The following TMEM41B variants were observed in gnomAD, a reference collection of about 807,000 sequenced individuals.
TMEM41B encodes the protein protein stasimon.
Under a neutral mutation model 31.9 loss-of-function variants are expected in TMEM41B, and 18 were observed. That is an observed-to-expected ratio of 0.56 (90% CI 0.39 to 0.84). The LOEUF is 0.84. Ranked by LOEUF, TMEM41B falls within the 40% of genes least tolerant of loss-of-function variation. TMEM41B has a pLI of 0.00. For synonymous variants in TMEM41B, 144 were observed against 124.3 expected, an observed-to-expected ratio of 1.16 and a Z score of -1.05; for missense variants, 322 against 348.0, an observed-to-expected ratio of 0.93 and a Z score of 0.59.
intron 1 of TMEM41B, 44 bp downstream of exon 1, chr11:9,314,277 G>A: frequency 6.5e-7 from 1 of 1,548,212 alleles, no homozygotes; most frequent in South Asian, 1.2e-5. Flanking sequence ...CCGACACACA[G>A]AAGCCTCGGG....
chr11:9,297,509 C>T (rs1372375463), intron 2 of TMEM41B, among the ~76,000 whole-genome samples: 1 of 151,996 alleles, frequency 6.6e-6, no homozygotes, highest in Non-Finnish European at 1.5e-5. Flanking sequence ...CTGGGCAGCA[C>T]AGTGAAACCC....
rs144093466 is a variant in TMEM41B at position 9,287,423 on chromosome 11, G to A, written c.567+279C>T. ...CAGATAGGTATCTAATTATGTGGATGCCTTTATATTCACACTGACTTCTCT... is the reference window on the plus strand; with the variant it reads ...CAGATAGGTATCTAATTATGTGGATACCTTTATATTCACACTGACTTCTCT... On this transcript the variant is annotated intron_variant, in intron 5 of 6. Transcript: ENST00000528080. Among the ~76,000 whole-genome samples the A allele has an allele frequency of 6.3e-3, 966 of 152,312 alleles. 7 individuals are homozygous for A. Among genetic ancestry groups the A allele is most frequent in the Admixed American group, 0.01 (158 of 15,286 alleles).
At chr11:9,300,156 T>G (rs1590382436) in intron 1 of TMEM41B, among the ~76,000 whole-genome samples, 1 of 152,130 alleles carries the variant, frequency 6.6e-6, no homozygotes, top group South Asian at 2.1e-4. Context: ...ATTTAAGCAC[T>G]GTACAGTACT....
intron 2 of TMEM41B, among the ~76,000 whole-genome samples, chr11:9,298,647 T>C (rs1353134485): frequency 6.6e-6 from 1 of 151,270 alleles, no homozygotes; most frequent in African/African-American, 2.4e-5. Flanking sequence ...ACATCTATAA[T>C]CCCAACTACT....
intron 4 of TMEM41B, chr11:9,288,095 T>TC (rs1852875641): frequency 2.5e-6 from 1 of 392,750 alleles, no homozygotes; most frequent in Non-Finnish European, 4.4e-6. Flanking sequence ...AATTTCCACC[T>TC]CCCCCCGACC....
At chr11:9,303,382 T>C (rs940399323) in intron 1 of TMEM41B, among the ~76,000 whole-genome samples, 4 of 152,000 alleles carry the variant, frequency 2.6e-5, no homozygotes, top group African/African-American at 9.7e-5. Context: ...TCAGGTGATC[T>C]GCCCACCTCG....
intron 1 of TMEM41B, among the ~76,000 whole-genome samples, chr11:9,308,970 C>T (rs1016206473): frequency 1.3e-5 from 2 of 152,018 alleles, no homozygotes; most frequent in Non-Finnish European, 2.9e-5. Context: ...TGATCCTGGC[C>T]GGGCGTGGGG....
chr11:9,305,979 C>CTTTTT (rs746744551), intron 1 of TMEM41B, among the ~76,000 whole-genome samples: 13,235 of 117,478 alleles, frequency 0.11, 1,278 homozygotes, highest in South Asian at 0.2. Flanking sequence ...CAGCACTTTT[C>CTTTTT]TTTTTTTTTT....
intron 3 of TMEM41B, among the ~76,000 whole-genome samples, chr11:9,289,379 C>G (rs919063821): frequency 6.6e-6 from 1 of 151,284 alleles, no homozygotes; most frequent in Non-Finnish European, 1.5e-5. Flanking sequence ...TTTTTCCCCT[C>G]TAATATGATT....
intron 1 of TMEM41B, among the ~76,000 whole-genome samples, chr11:9,310,451 T>TA (rs1853529738): frequency 1.3e-5 from 2 of 152,022 alleles, no homozygotes; most frequent in African/African-American, 4.8e-5. Flanking sequence ...TCCATTTTTT[T>TA]TAAAAAAATG....
rs1852768656 is a variant in TMEM41B at position 9,283,536 on chromosome 11, G to T, written c.764C>A (p.Thr255Lys). 3 of 1,613,476 alleles carry T rather than the reference G, an allele frequency of 1.9e-6. No homozygotes were observed. The highest frequency in any genetic ancestry group is 2.5e-6 in the Non-Finnish European group (3 of 1,179,768). Residue 255 changes from threonine to lysine, a missense_variant, in exon 7 of 7, where the codon ACA becomes AAA. By Grantham distance (78) the Thr-to-Lys change is moderately conservative. Transcript: ENST00000528080. ...CCAGGAAACAGCTTCTCCTGCTGTT[G>T]TAAGTTGATACAGTGTTGTTCCTGC... Reference protein sequence around the residue: ...IKAGTTLYQLTTAGEAVSWNS... With the variant: ...IKAGTTLYQLKTAGEAVSWNS...
chr11:9,299,282 CAAAAAAAAAAAAAA>C (rs1180036082), intron 2 of TMEM41B, among the ~76,000 whole-genome samples: 1 of 41,712 alleles, frequency 2.4e-5, no homozygotes, highest in Non-Finnish European at 3.8e-5. Context: ...GACTCTGTCT[CAAAAAAAAAAAAAA>C]AAAAAAAAAG....
At chr11:9,303,421 T>G (rs1853303412) in intron 1 of TMEM41B, among the ~76,000 whole-genome samples, 1 of 152,114 alleles carries the variant, frequency 6.6e-6, no homozygotes, top group Non-Finnish European at 1.5e-5. Flanking sequence ...ATTATAGGCG[T>G]GAATGAGTGT....
intron 3 of TMEM41B, among the ~76,000 whole-genome samples, chr11:9,292,166 T>C (rs1238538422): frequency 6.6e-6 from 1 of 152,240 alleles, no homozygotes; most frequent in Non-Finnish European, 1.5e-5. Flanking sequence ...TTTTTCTTTC[T>C]TTCAATTTAC....
chr11:9,300,611 G>A (rs1334870060), intron 1 of TMEM41B, among the ~76,000 whole-genome samples: 3 of 152,156 alleles, frequency 2.0e-5, no homozygotes, highest in Non-Finnish European at 1.5e-5. Flanking sequence ...AGGCGCGGTG[G>A]CTCACGCCTG....
At position 9,286,509 on chromosome 11, in the gene TMEM41B, T is replaced by C. The variant is rs932466578; in HGVS notation, c.652A>G (p.Thr218Ala). 1.2e-6 allele frequency: 2 copies of C among 1,612,910 alleles called. No homozygotes were observed. Among genetic ancestry groups the C allele is most frequent in the Non-Finnish European group, 1.7e-6 (2 of 1,179,648 alleles). ...AATGGCACGTTTATCACAGGAGATG[T>C]GATATTAATAAACCAATTAGGCAGA... is the stretch of plus-strand genomic sequence containing the variant. ...PFLPNWFINI[T>A]SPVINVPLKV... Residue 218 changes from threonine to alanine, a missense_variant, in exon 6 of 7, where the codon ACA becomes GCA. Around this residue, in one of 3 missense-constraint regions of TMEM41B, gnomAD observed 92 missense variants for 88.0 expected, o/e 1.05. Coordinates refer to ENST00000528080, the MANE Select transcript of TMEM41B (RefSeq NM_015012.4).
chr11:9,295,661 A>C (rs966802693), intron 2 of TMEM41B, among the ~76,000 whole-genome samples: 1 of 151,996 alleles, frequency 6.6e-6, no homozygotes, highest in Non-Finnish European at 1.5e-5. Context: ...CAGCCTTCTG[A>C]GAAGCTGGGA....
chr11:9,299,978 G>T (rs1326420605), intron 1 of TMEM41B, among the ~76,000 whole-genome samples: 1 of 152,084 alleles, frequency 6.6e-6, no homozygotes, highest in African/African-American at 2.4e-5. Context: ...AATTAGCTGG[G>T]CATGGTGGTG....
intron 1 of TMEM41B, among the ~76,000 whole-genome samples, chr11:9,301,497 C>G (rs1457920320): frequency 6.6e-6 from 1 of 151,922 alleles, no homozygotes; most frequent in Non-Finnish European, 1.5e-5. Flanking sequence ...TGCCTATACT[C>G]TCTTTAGCAA....
Sources: gnomAD v4.1 joint callset for allele counts (sites outside exome capture counted in the v4.1 genomes callset) on GRCh38, gnomAD v4.1.1 for gene constraint, gnomAD v4.1.1 regional missense constraint, MANE v1.5 for transcripts, NCBI Gene and HGNC (gene_info 2026-07-23, HGNC 2026-07-21) for gene names.